DIAPH2: variants seen among roughly 807,000 people sequenced by gnomAD.
The protein encoded by DIAPH2 is protein diaphanous homolog 2.
DIAPH2 carries 35 observed loss-of-function variants against 92.7 expected under a neutral mutation model. That is an observed-to-expected ratio of 0.38 (90% CI 0.29 to 0.50). DIAPH2 has a LOEUF of 0.50. Among genes scored for constraint, DIAPH2 ranks in the 20% least tolerant of loss-of-function variants. The pLI is 0.94. For missense variants in DIAPH2, 701 were observed against 819.5 expected (o/e 0.86, Z 1.77); for synonymous variants, 301 against 280.4 (o/e 1.07, Z -0.73).
intron 16 of DIAPH2, among the ~76,000 whole-genome samples, chrX:96,962,984 C>T (rs145335553): frequency 9.0e-6 from 1 of 111,386 alleles, no homozygotes; most frequent in Non-Finnish European, 1.9e-5. Flanking sequence ...CTTTCAGACA[C>T]GTAGGACTTC....
intron 22 of DIAPH2, 137 bp downstream of exon 22, chrX:97,141,931 C>A: frequency 1.4e-6 from 1 of 696,956 alleles, no homozygotes; most frequent in Non-Finnish European, 2.0e-6. Context: ...AAAATAGTTT[C>A]CATTAGCTTA....
intron 23 of DIAPH2, among the ~76,000 whole-genome samples, chrX:97,333,275 A>T (rs139788942): frequency 0.012 from 1,285 of 111,316 alleles, 20 homozygotes; most frequent in African/African-American, 0.04. Context: ...ATGCAACCTG[A>T]TCTCCATTTT....
chrX:97,062,235 G>C (rs1345800306), intron 17 of DIAPH2, among the ~76,000 whole-genome samples: 1 of 111,983 alleles, frequency 8.9e-6, no homozygotes, highest in Non-Finnish European at 1.9e-5. Context: ...TTCAGTGTTA[G>C]ATTCCAAGAT....
intron 4 of DIAPH2, among the ~76,000 whole-genome samples, chrX:96,837,412 T>C (rs867884055): frequency 1.6e-5 from 1 of 63,691 alleles, no homozygotes; most frequent in Non-Finnish European, 3.0e-5. Context: ...TCCCTCTCTC[T>C]CTCTCTCTCT....
At chrX:96,939,014 C>T (rs1014083261) in intron 11 of DIAPH2, among the ~76,000 whole-genome samples, 4 of 111,439 alleles carry the variant, frequency 3.6e-5, no homozygotes, top group Non-Finnish European at 5.7e-5. Context: ...ATATGTATAA[C>T]GGATCATTTA....
chrX:96,708,238 C>A, intron 1 of DIAPH2, among the ~76,000 whole-genome samples: 1 of 66,433 alleles, frequency 1.5e-5, no homozygotes, highest in East Asian at 5.7e-4. Context: ...CCACCCCCCA[C>A]CCAGATCATT....
At chrX:97,587,977 G>A (rs2071489884) in intron 26 of DIAPH2, among the ~76,000 whole-genome samples, 1 of 111,833 alleles carries the variant, frequency 8.9e-6, no homozygotes, top group Non-Finnish European at 1.9e-5. Context: ...GCCATACACT[G>A]AGAACTTTGA....
rs142773218 is a variant in DIAPH2, at chrX:97,246,230, A to G, written c.2720-1485A>G. On this transcript the variant is annotated intron_variant, in intron 22 of 26. Coordinates refer to ENST00000324765, the MANE Select transcript of DIAPH2 (RefSeq NM_006729.5). The stretch of plus-strand genomic sequence containing the variant: ...CGCTCGGCCTGTCTTCACTTTTTCA[A>G]TCAACCAAGTGGGGAAGGAGAAACC... 9.9e-3 allele frequency among the ~76,000 whole-genome samples: 1,092 copies of G among 110,796 alleles called. 11 individuals are homozygous for G. The highest frequency in any genetic ancestry group is 0.034 in the African/African-American group (1,030 of 30,477).
intron 4 of DIAPH2, among the ~76,000 whole-genome samples, chrX:96,859,610 C>CTTATTTAT (rs35571904): frequency 4.7e-4 from 44 of 94,433 alleles, no homozygotes; most frequent in African/African-American, 6.4e-4. Context: ...ATAATAGATT[C>CTTATTTAT]TTATTTATTT....
Position 97,210,471 on chromosome X carries a change from A to T in DIAPH2, c.2720-37244A>T, listed in dbSNP as rs914075770. Among the ~76,000 whole-genome samples the T allele has an allele frequency of 1.1e-3, 126 of 111,773 alleles. 1 individual carries two copies. The Admixed American group carries it at 0.012, about 11-fold the overall frequency. On this transcript the variant is annotated intron_variant, in intron 22 of 26. Coordinates refer to ENST00000324765, the MANE Select transcript of DIAPH2 (RefSeq NM_006729.5). ...CATACCCGAAGCTAGAAATGTCTCC[A>T]TTTAAAAAATGTATTCTCTATTTTG...
At chrX:97,087,508 G>GA (rs1208560195) in intron 19 of DIAPH2, among the ~76,000 whole-genome samples, 1 of 110,976 alleles carries the variant, frequency 9.0e-6, no homozygotes, top group Non-Finnish European at 1.9e-5. Context: ...CAGTGTAGTG[G>GA]AAAAAAAATT....
At chrX:97,392,558 A>C (rs2147741331) in intron 25 of DIAPH2, among the ~76,000 whole-genome samples, 1 of 112,001 alleles carries the variant, frequency 8.9e-6, no homozygotes, top group South Asian at 3.8e-4. Context: ...ATACCAGTCA[A>C]GCTAGACCCT....
intron 26 of DIAPH2, among the ~76,000 whole-genome samples, chrX:97,596,703 T>C (rs2071554297): frequency 8.9e-6 from 1 of 111,892 alleles, no homozygotes; most frequent in Admixed American, 9.5e-5. Context: ...TCCTCATAAA[T>C]GTGATGCCAA....
chrX:97,202,933 C>T (rs930853194), intron 22 of DIAPH2, among the ~76,000 whole-genome samples: 4 of 112,112 alleles, frequency 3.6e-5, no homozygotes, highest in African/African-American at 1.3e-4. Flanking sequence ...GTAAAACACT[C>T]CTCAGCAAAT....
chrX:96,813,417 C>T (rs1218659634), intron 4 of DIAPH2, among the ~76,000 whole-genome samples: 1 of 109,414 alleles, frequency 9.1e-6, no homozygotes. Flanking sequence ...CTATGTGTGT[C>T]TCTGCACGTG....
chrX:97,047,843 A>G (rs138153309), intron 17 of DIAPH2, among the ~76,000 whole-genome samples: 3,866 of 110,130 alleles, frequency 0.035, 87 homozygotes, highest in Middle Eastern at 0.08. Context: ...AGCTTTTATC[A>G]TTGACATCAT....
intron 23 of DIAPH2, among the ~76,000 whole-genome samples, chrX:97,280,761 A>G (rs967869868): frequency 1.8e-5 from 2 of 110,924 alleles, no homozygotes; most frequent in Non-Finnish European, 3.8e-5. Context: ...TTACTTCTTT[A>G]ATGGTTTGAC....
chrX:96,697,026 G>T (rs1485596277), intron 1 of DIAPH2, among the ~76,000 whole-genome samples: 1 of 110,933 alleles, frequency 9.0e-6, no homozygotes, highest in Non-Finnish European at 1.9e-5. Flanking sequence ...TGCAGGAGAG[G>T]AACTCTGAGC....
At chrX:97,391,607 G>A (rs1289978817) in intron 25 of DIAPH2, among the ~76,000 whole-genome samples, 1 of 110,992 alleles carries the variant, frequency 9.0e-6, no homozygotes, top group Non-Finnish European at 1.9e-5. Flanking sequence ...TTTTAAAAAA[G>A]TGTACACTTT....
Sources: gnomAD v4.1 joint callset for allele counts (sites outside exome capture counted in the v4.1 genomes callset) on GRCh38, gnomAD v4.1.1 for gene constraint, MANE v1.5 for transcripts, NCBI Gene and HGNC (gene_info 2026-07-23, HGNC 2026-07-21) for gene names.